The following VIPAS39 variants were observed in gnomAD, a reference collection of about 807,000 sequenced individuals.
The protein encoded by VIPAS39 is spermatogenesis-defective protein 39 homolog.
A neutral mutation model predicts 84.7 loss-of-function variants in VIPAS39; 63 were observed. The observed-to-expected ratio is 0.74, with a 90% CI of 0.61 to 0.92. The LOEUF is 0.92. Ranked by LOEUF, VIPAS39 falls within the 40% of genes least tolerant of loss-of-function variation. The probability of loss-of-function intolerance (pLI) is 0.00; values close to 1 mark genes in which losing one functional copy is unlikely to be tolerated. For missense variants in VIPAS39, 499 were observed against 604.5 expected, an observed-to-expected ratio of 0.83 and a Z score of 1.83; for synonymous variants, 192 against 216.5, an observed-to-expected ratio of 0.89 and a Z score of 0.99.
chr14:77,444,446 G>A, intron 7 of VIPAS39, 105 bp from the exon 8 acceptor site: 1 of 1,032,800 alleles, frequency 9.7e-7, no homozygotes, highest in Non-Finnish European at 1.4e-6. Context: ...TGTCCCCAAG[G>A]AGAGTCTCTT....
At chr14:77,440,938 G>C (rs1010156310) in intron 11 of VIPAS39, 128 bp downstream of exon 11, 3 of 1,117,420 alleles carry the variant, frequency 2.7e-6, no homozygotes, top group Admixed American at 1.8e-5. Flanking sequence ...GGCTGGTCTT[G>C]AACTCCTGAC....
intron 3 of VIPAS39, among the ~76,000 whole-genome samples, chr14:77,452,493 G>C (rs1045640508): frequency 4.0e-5 from 6 of 151,462 alleles, no homozygotes; most frequent in Non-Finnish European, 8.8e-5. Context: ...TTAAAAATCA[G>C]ATGGGGACCA....
rs1267828188 is a variant in VIPAS39, at chr14:77,453,351, A to G, written c.144T>C (p.Asp48=). 9.9e-6 allele frequency: 16 copies of G among 1,613,728 alleles called. No individual in the cohort carries two copies. Among genetic ancestry groups the G allele is most frequent in the Non-Finnish European group, 1.4e-5 (16 of 1,179,954 alleles). ...CTCGCTCCAGGTCATCATCGTCATC[A>G]TCATCCACGAAGTCTCGGAGGCTGT... ...AVNSLRDFVD[D]DDDDDLERVS... is the part of the protein sequence containing the mutation. The change falls in exon 3 of 20, where the codon GAT becomes GAC. Residue 48 remains aspartate (D), a synonymous_variant. Transcript: ENST00000557658.
chr14:77,454,711 C>CT (rs1286395459), intron 1 of VIPAS39, among the ~76,000 whole-genome samples: 1 of 150,180 alleles, frequency 6.7e-6, no homozygotes, highest in Non-Finnish European at 1.5e-5. Context: ...CGTGGGGACC[C>CT]TACAACAGAG....
chr14:77,453,986 T>C (rs754264781), intron 2 of VIPAS39, 24 bp downstream of exon 2: 2 of 1,612,264 alleles, frequency 1.2e-6, no homozygotes, highest in African/African-American at 1.3e-5. Context: ...TGGAGAAGAG[T>C]ACAAACTTCA....
intron 11 of VIPAS39, among the ~76,000 whole-genome samples, chr14:77,439,817 A>C (rs551590843): frequency 8.7e-4 from 132 of 152,298 alleles, no homozygotes; most frequent in African/African-American, 3.0e-3. Context: ...ATATATAATT[A>C]TGCTGTTCAA....
chr14:77,433,711 CT>C, intron 16 of VIPAS39, 130 bp downstream of exon 16: 1 of 779,118 alleles, frequency 1.3e-6, no homozygotes, highest in Non-Finnish European at 2.1e-6. Flanking sequence ...ATTCTTTCAA[CT>C]TTTCTTTAGG....
At chr14:77,442,731 C>T in intron 9 of VIPAS39, 69 bp from the exon 10 acceptor site, 1 of 1,338,108 alleles carries the variant, frequency 7.5e-7, no homozygotes, top group Non-Finnish European at 1.1e-6. Flanking sequence ...ATTGGTCTCC[C>T]TACTCACACA....
intron 12 of VIPAS39, among the ~76,000 whole-genome samples, chr14:77,436,572 G>C (rs900858183): frequency 5.3e-5 from 8 of 152,146 alleles, no homozygotes; most frequent in Non-Finnish European, 1.0e-4. Flanking sequence ...AGCCTCCAGA[G>C]TAGCTGGGAC....
intron 14 of VIPAS39, 98 bp downstream of exon 14, chr14:77,435,161 C>T: frequency 6.4e-7 from 1 of 1,573,484 alleles, no homozygotes; most frequent in Non-Finnish European, 8.7e-7. Flanking sequence ...GAGAACTATA[C>T]ATACCCATTA....
At chr14:77,455,779 G>A (rs917170786) in intron 1 of VIPAS39, among the ~76,000 whole-genome samples, 1 of 152,168 alleles carries the variant, frequency 6.6e-6, no homozygotes, top group Non-Finnish European at 1.5e-5. Context: ...GGGGATATAG[G>A]GATAGCAAGG....
At chr14:77,452,779 C>CAAAAAA (rs11418833) in intron 3 of VIPAS39, among the ~76,000 whole-genome samples, 9 of 106,748 alleles carry the variant, frequency 8.4e-5, no homozygotes, top group East Asian at 6.3e-4. Flanking sequence ...GACTCCATCT[C>CAAAAAA]AAAAAAAAAA....
chr14:77,451,280 C>G lies in VIPAS39; in HGVS notation c.250G>C (p.Gly84Arg). Residue 84 changes from glycine (G) to arginine (R), a missense_variant, in exon 4 of 20, where the codon GGG (glycine) becomes CGG (arginine). Gly to Arg is a moderately radical substitution (Grantham distance 125, BLOSUM62 -2). Transcript: ENST00000557658. ...TTTCGGCTCTTTAGCTGTTCACGCC[C>G]CTCGTGGGTTGAGCCGCTATTACCA... ...TAGNSGSTHE[G>R]REQLKSRNSF... The G allele has an allele frequency of 6.2e-7, 1 of 1,614,204 alleles. No homozygotes were observed. Among genetic ancestry groups the G allele is most frequent in the Non-Finnish European group, 8.5e-7 (1 of 1,180,034 alleles).
At chr14:77,436,442 TTTTG>T (rs1376016523) in intron 12 of VIPAS39, among the ~76,000 whole-genome samples, 2 of 152,292 alleles carry the variant, frequency 1.3e-5, no homozygotes, top group East Asian at 3.9e-4. Flanking sequence ...GCATTATGTT[TTTTG>T]TTTGTCTGCT....
At position 77,443,101 on chromosome 14, in the gene VIPAS39, C is replaced by T; in HGVS notation, c.631+18G>A. ...CAGACACCTTGCTGACTGAAGATTT[C>T]CTGCAAGCCATTCTCACCTTTGCTC... On this transcript the variant is annotated intron_variant, in intron 9 of 19. Transcript: ENST00000557658. 6.2e-7 allele frequency: 1 copy of T among 1,614,222 alleles called. No homozygotes were observed. The highest frequency in any genetic ancestry group is 1.1e-5 in the South Asian group (1 of 91,084).
At chr14:77,455,322 A>T (rs1594931455) in intron 1 of VIPAS39, among the ~76,000 whole-genome samples, 1 of 152,050 alleles carries the variant, frequency 6.6e-6, no homozygotes, top group Admixed American at 6.6e-5. Flanking sequence ...CTACAAAAAA[A>T]TTTAAAAAAC....
At chr14:77,441,148 T>C (rs2078697235) in intron 10 of VIPAS39, 55 bp from the exon 11 acceptor site, 2 of 1,604,406 alleles carry the variant, frequency 1.2e-6, no homozygotes, top group African/African-American at 2.7e-5. Flanking sequence ...TGTGGCAGTA[T>C]AACCTCACAA....
chr14:77,449,415 T>C, intron 5 of VIPAS39, 58 bp from the exon 6 acceptor site: 4 of 1,595,300 alleles, frequency 2.5e-6, no homozygotes, highest in Non-Finnish European at 3.4e-6. Context: ...TTGTCATTCC[T>C]TCCCTCTACT....
At chr14:77,441,121 A>G in intron 10 of VIPAS39, 28 bp from the exon 11 acceptor site, 2 of 1,612,218 alleles carry the variant, frequency 1.2e-6, no homozygotes, top group Non-Finnish European at 1.7e-6. Flanking sequence ...GGAGCAGGGC[A>G]TTTGTATCTA....
Sources: allele counts gnomAD v4.1 joint callset (sites outside exome capture counted in the v4.1 genomes callset), GRCh38; gene constraint gnomAD v4.1.1; transcripts MANE v1.5; gene names NCBI Gene and HGNC (gene_info 2026-07-23, HGNC 2026-07-21).